MAP3K13: variants seen among roughly 807,000 people sequenced by gnomAD.
MAP3K13 encodes the protein mitogen-activated protein kinase kinase kinase 13, also known as leucine zipper-bearing kinase.
In MAP3K13, 52 loss-of-function variants were observed where a neutral mutation model predicts 104.0. The ratio of observed to expected loss-of-function variants is 0.50; its 90% CI spans 0.40 to 0.63. The LOEUF (loss-of-function observed/expected upper bound fraction) is 0.63. MAP3K13 is among the 20% of genes least tolerant of loss of function. The pLI, the probability that MAP3K13 is intolerant of heterozygous loss-of-function variation, is 0.00. For synonymous variants in MAP3K13, 394 were observed against 442.2 expected (o/e 0.89, Z 1.37); for missense variants, 914 against 1,218.5 (o/e 0.75, Z 3.72).
intron 2 of MAP3K13, among the ~76,000 whole-genome samples, chr3:185,297,966 C>CTT (rs879453538): frequency 1.4e-5 from 2 of 141,574 alleles, no homozygotes; most frequent in African/African-American, 5.1e-5. Flanking sequence ...CTAATTCTGT[C>CTT]TTTTTTTTTT....
At chr3:185,415,665 C>T (rs1713725141) in intron 1 of MAP3K13, among the ~76,000 whole-genome samples, 1 of 142,720 alleles carries the variant, frequency 7.0e-6, no homozygotes, top group Non-Finnish European at 1.5e-5. Flanking sequence ...CTCACTGCAA[C>T]CTTTGCCTCC....
chr3:185,361,197 C>A (rs1443074757), upstream of MAP3K13, among the ~76,000 whole-genome samples: 2 of 149,486 alleles, frequency 1.3e-5, no homozygotes, highest in Admixed American at 6.7e-5. Flanking sequence ...TATATACACA[C>A]ACACACAAAT....
At chr3:185,294,544 C>T (rs1329901432) in intron 2 of MAP3K13, among the ~76,000 whole-genome samples, 1 of 152,190 alleles carries the variant, frequency 6.6e-6, no homozygotes, top group Non-Finnish European at 1.5e-5. Flanking sequence ...AATCCAACTG[C>T]CTCATTCTTC....
chr3:185,386,074 A>T (rs1577494003), intron 1 of MAP3K13, among the ~76,000 whole-genome samples: 1 of 152,172 alleles, frequency 6.6e-6, no homozygotes, highest in Non-Finnish European at 1.5e-5. Context: ...AGCATATGCA[A>T]ATCAATAAAT....
intron 1 of MAP3K13, chr3:185,285,493 C>T (rs2108666032): frequency 2.6e-6 from 2 of 754,790 alleles, no homozygotes; most frequent in Admixed American, 4.4e-5. Context: ...TAGGTCTGTA[C>T]ATTGACATTC....
intron 1 of MAP3K13, among the ~76,000 whole-genome samples, chr3:185,284,024 G>T (rs1198292090): frequency 1.3e-5 from 2 of 150,256 alleles, no homozygotes; most frequent in South Asian, 4.2e-4. Flanking sequence ...TCAGCCTCCC[G>T]AGTAGCTGGG....
chr3:185,471,594 G>C (rs1043192828), intron 10 of MAP3K13, among the ~76,000 whole-genome samples: 3 of 151,120 alleles, frequency 2.0e-5, no homozygotes, highest in Non-Finnish European at 2.9e-5. Context: ...TGAGTAGCTG[G>C]GATTACAGGC....
In MAP3K13 at chr3:185,418,344, C is replaced by G; in HGVS notation, c.-85-10153C>G. 2 of 1,591,360 alleles carry G rather than the reference C, an allele frequency of 1.3e-6. No homozygotes were observed. The highest frequency in any genetic ancestry group is 1.7e-6 in the Non-Finnish European group (2 of 1,161,074). The stretch of plus-strand genomic sequence containing the variant: ...ATACCAAAGGAAGTTCAGGAACTTC[C>G]TCAATACGATGACCTTTAGACATGA... On this transcript the variant is annotated intron_variant, in intron 1 of 13. Coordinates refer to ENST00000265026, the MANE Select transcript of MAP3K13 (RefSeq NM_004721.5). The surrounding 1 kb of genome is among the most constrained non-coding windows in gnomAD (Gnocchi z 4.5).
rs973885336 is a variant in MAP3K13, at chr3:185,450,862, G to T, written c.1170-425G>T. 6.6e-6 allele frequency among the ~76,000 whole-genome samples: 1 copy of T among 152,194 alleles called. No individual in the cohort carries two copies. The highest frequency in any genetic ancestry group is 1.5e-5 in the Non-Finnish European group (1 of 68,038). On this transcript the variant is annotated intron_variant, in intron 6 of 13. Coordinates refer to ENST00000265026, the MANE Select transcript of MAP3K13 (RefSeq NM_004721.5). The surrounding 1 kb of genome is among the most constrained non-coding windows in gnomAD (Gnocchi z 4.2). ...CCCAGCACTTTAGGAGGCCGAGGCG[G>T]GCGTATCACGAGGTCAGGAGATCGA...
At chr3:185,325,139 A>G (rs1722003427) in intron 2 of MAP3K13, among the ~76,000 whole-genome samples, 1 of 152,230 alleles carries the variant, frequency 6.6e-6, no homozygotes, top group African/African-American at 2.4e-5. Context: ...TTAGGCTGAA[A>G]AGGTTACTTA....
intron 1 of MAP3K13, among the ~76,000 whole-genome samples, chr3:185,410,576 G>A (rs1160468986): frequency 6.6e-6 from 1 of 152,074 alleles, no homozygotes; most frequent in African/African-American, 2.4e-5. Context: ...ACTATGTATT[G>A]TATGTATTGA....
At chr3:185,385,471 C>T (rs1353336318) in intron 1 of MAP3K13, among the ~76,000 whole-genome samples, 1 of 152,112 alleles carries the variant, frequency 6.6e-6, no homozygotes, top group Non-Finnish European at 1.5e-5. Context: ...CCATGCCTGG[C>T]TGAATTCTAC....
intron 7 of MAP3K13, among the ~76,000 whole-genome samples, chr3:185,454,913 T>C (rs1577583972): frequency 8.5e-6 from 1 of 117,690 alleles, no homozygotes; most frequent in South Asian, 2.5e-4. Flanking sequence ...ATATGATATA[T>C]ATATGAGATA....
intron 2 of MAP3K13, among the ~76,000 whole-genome samples, chr3:185,305,590 C>A (rs1163372851): frequency 6.6e-6 from 1 of 152,052 alleles, no homozygotes; most frequent in Non-Finnish European, 1.5e-5. Context: ...TTACAGAGAG[C>A]TTTACGTGTT....
At chr3:185,453,789 TATATATGAGATATATATATATGATA>T (rs1716031081) in intron 7 of MAP3K13, among the ~76,000 whole-genome samples, 1 of 67,164 alleles carries the variant, frequency 1.5e-5, no homozygotes, top group Non-Finnish European at 3.6e-5. Context: ...AAATTATATA[TATATATGAGATATATATATATGATA>T]CATATATATG....
At chr3:185,434,612 G>A (rs888868408) in intron 2 of MAP3K13, among the ~76,000 whole-genome samples, 1 of 152,110 alleles carries the variant, frequency 6.6e-6, no homozygotes, top group Admixed American at 6.5e-5. Context: ...CATGATATGT[G>A]AAAAAGTAGA....
intron 2 of MAP3K13, among the ~76,000 whole-genome samples, chr3:185,358,123 C>T (rs1723443658): frequency 6.6e-6 from 1 of 151,984 alleles, no homozygotes; most frequent in African/African-American, 2.4e-5. Context: ...TAGAGTAATC[C>T]AACCCAAAAC....
chr3:185,309,840 C>T (rs1360373850), intron 2 of MAP3K13, among the ~76,000 whole-genome samples: 1 of 152,082 alleles, frequency 6.6e-6, no homozygotes, highest in Non-Finnish European at 1.5e-5. Context: ...TTTGTTTTTA[C>T]AGTGTTCCTC....
At chr3:185,394,215 T>C (rs891344523) in intron 1 of MAP3K13, among the ~76,000 whole-genome samples, 1 of 152,200 alleles carries the variant, frequency 6.6e-6, no homozygotes, top group Non-Finnish European at 1.5e-5. Flanking sequence ...TAGCTGGCTA[T>C]AGGTTTGAAA....
Sources: allele counts gnomAD v4.1 joint callset (sites outside exome capture counted in the v4.1 genomes callset), GRCh38; gene constraint gnomAD v4.1.1; non-coding constraint Gnocchi (gnomAD v3.1); transcripts MANE v1.5; gene names NCBI Gene and HGNC (gene_info 2026-07-23, HGNC 2026-07-21).